Variants in TENM4 observed in about 807,000 individuals in gnomAD.
The protein encoded by TENM4 is teneurin-4.
A neutral mutation model predicts 243.3 loss-of-function variants in TENM4; 82 were observed. That is an observed-to-expected ratio of 0.34 (90% CI 0.28 to 0.40). TENM4 has a LOEUF of 0.40. Ranked by LOEUF, TENM4 falls within the 10% of genes least tolerant of loss-of-function variation. TENM4 has a pLI of 1.00. For synonymous variants in TENM4, 1,412 were observed against 1,456.3 expected (o/e 0.97, Z 0.69); for missense variants, 3,138 against 3,673.3 (o/e 0.85, Z 3.77).
At chr11:79,042,743 G>T (rs942312554) in intron 6 of TENM4, among the ~76,000 whole-genome samples, 1 of 152,110 alleles carries the variant, frequency 6.6e-6, no homozygotes, top group Non-Finnish European at 1.5e-5. Context: ...CATCTATTTA[G>T]TTACCAAATT....
intron 12 of TENM4, among the ~76,000 whole-genome samples, chr11:78,848,417 A>T (rs1858453742): frequency 6.6e-6 from 1 of 152,158 alleles, no homozygotes; most frequent in South Asian, 2.1e-4. Flanking sequence ...CTGGCTCCTT[A>T]TAGCCAGCTC....
In TENM4 at chr11:79,096,924, G is replaced by GCACACACACA. The variant is rs1050585071; in HGVS notation, c.-65-26916_-65-26915insTGTGTGTGTG. On this transcript the variant is annotated intron_variant, in intron 4 of 33. Transcript: ENST00000278550. ...TGGGCATGCACGCACATGCGCGCGC[G>GCACACACACA]CGCGCACACACACACACACACACAC... 56 of 121,292 alleles carry GCACACACACA rather than the reference G, an allele frequency of 4.6e-4. No homozygotes were observed. The South Asian group carries it at 0.012, about 27-fold the overall frequency. The allele number at this position is 121,292 out of a possible 1,614,324, so 7.5% of individuals were successfully genotyped here.
intron 19 of TENM4, among the ~76,000 whole-genome samples, chr11:78,747,918 C>T (rs553878088): frequency 6.6e-6 from 1 of 152,302 alleles, no homozygotes; most frequent in Admixed American, 6.5e-5. Context: ...ACTTGGGACT[C>T]CAGGTTCTCT....
chr11:78,911,463 T>A (rs951953741), intron 6 of TENM4, among the ~76,000 whole-genome samples: 2 of 152,188 alleles, frequency 1.3e-5, no homozygotes, highest in Non-Finnish European at 2.9e-5. Context: ...TGGCTAATGG[T>A]GAGCACAGCA....
chr11:78,703,661 C>G (rs1859161558), intron 27 of TENM4, among the ~76,000 whole-genome samples: 1 of 151,954 alleles, frequency 6.6e-6, no homozygotes, highest in Admixed American at 6.6e-5. Context: ...CCCTTTGCCA[C>G]CTGTGTCTCT....
At chr11:78,852,698 G>A (rs1369790300) in intron 12 of TENM4, among the ~76,000 whole-genome samples, 1 of 152,106 alleles carries the variant, frequency 6.6e-6, no homozygotes, top group Non-Finnish European at 1.5e-5. Context: ...CAAAAAGTAA[G>A]AACCAGGGTC....
chr11:79,053,245 C>T (rs760922574), intron 6 of TENM4, among the ~76,000 whole-genome samples: 1 of 152,146 alleles, frequency 6.6e-6, no homozygotes, highest in Non-Finnish European at 1.5e-5. Context: ...AGGGCAAATG[C>T]ATTATGAATG....
intron 32 of TENM4, 91 bp from the exon 33 acceptor site, chr11:78,661,682 G>T: frequency 6.6e-7 from 1 of 1,504,226 alleles, no homozygotes; most frequent in Non-Finnish European, 9.0e-7. Context: ...TTAGCTGCAG[G>T]GTGTGGTGAG....
chr11:78,670,610 T>G, intron 31 of TENM4, 59 bp from the exon 32 acceptor site: 5 of 1,467,246 alleles, frequency 3.4e-6, no homozygotes, highest in African/African-American at 1.4e-5. Context: ...AGGGTAGGTC[T>G]ACATACCCGA....
intron 4 of TENM4, among the ~76,000 whole-genome samples, chr11:79,103,526 C>T (rs1455041151): frequency 6.6e-6 from 1 of 152,166 alleles, no homozygotes; most frequent in Non-Finnish European, 1.5e-5. Context: ...GGTCCGTCCT[C>T]TTAGCATCAC....
chr11:79,053,886 C>G (rs967763267), intron 6 of TENM4, among the ~76,000 whole-genome samples: 1 of 152,188 alleles, frequency 6.6e-6, no homozygotes. Flanking sequence ...CTATACAGTG[C>G]TCTGTCCATC....
chr11:79,062,352 C>T (rs1860113984), intron 6 of TENM4, among the ~76,000 whole-genome samples: 1 of 151,814 alleles, frequency 6.6e-6, no homozygotes, highest in South Asian at 2.1e-4. Context: ...AAGAATTCTA[C>T]ATCTGGAAGG....
chr11:79,000,380 C>T (rs1013522051), intron 6 of TENM4, among the ~76,000 whole-genome samples: 1 of 151,980 alleles, frequency 6.6e-6, no homozygotes, highest in African/African-American at 2.4e-5. Flanking sequence ...CATTTCTTCT[C>T]TTAATATCTT....
intron 4 of TENM4, among the ~76,000 whole-genome samples, chr11:79,090,210 A>ACCTTGTCT (rs1860912610): frequency 6.6e-6 from 1 of 152,256 alleles, no homozygotes; most frequent in Admixed American, 6.5e-5. Context: ...CGTCTGCAAG[A>ACCTTGTCT]GGATTTCCCT....
chr11:78,886,235 C>G (rs756964217), intron 9 of TENM4, among the ~76,000 whole-genome samples: 8 of 152,214 alleles, frequency 5.3e-5, no homozygotes, highest in Non-Finnish European at 1.2e-4. Context: ...CATCAAAAAT[C>G]TAATTAAATA....
chr11:79,065,259 C>G (rs1860215434), intron 5 of TENM4, among the ~76,000 whole-genome samples: 2 of 152,164 alleles, frequency 1.3e-5, no homozygotes, highest in Non-Finnish European at 2.9e-5. Context: ...GAAGTCTACC[C>G]CAATACCAAC....
At chr11:79,431,114 C>T (rs1303789606) in intron 1 of TENM4, among the ~76,000 whole-genome samples, 1 of 152,082 alleles carries the variant, frequency 6.6e-6, no homozygotes, top group Non-Finnish European at 1.5e-5. Context: ...AACAATCTTC[C>T]CCAAACCATC....
chr11:78,731,548 G>A (rs566498581), intron 21 of TENM4, among the ~76,000 whole-genome samples: 2 of 152,274 alleles, frequency 1.3e-5, no homozygotes, highest in African/African-American at 4.8e-5. Context: ...TGAGACAACC[G>A]GGACTTCTCC....
intron 6 of TENM4, chr11:79,021,551 G>C (rs994101550): frequency 1.3e-5 from 2 of 152,188 alleles, no homozygotes; most frequent in African/African-American, 4.8e-5. Context: ...TTTGTTGGGG[G>C]CTGCTTCCAG....
Sources: gnomAD v4.1 joint callset for allele counts (sites outside exome capture counted in the v4.1 genomes callset) on GRCh38, gnomAD v4.1.1 for gene constraint, MANE v1.5 for transcripts, NCBI Gene and HGNC (gene_info 2026-07-23, HGNC 2026-07-21) for gene names.